Variants in MYLK4 observed in about 807,000 individuals in gnomAD.
The protein encoded by MYLK4 is caMLCK like.
Under a neutral mutation model 48.1 loss-of-function variants are expected in MYLK4, and 46 were observed. That is an observed-to-expected ratio of 0.96 (90% CI 0.75 to 1.22). MYLK4 has a LOEUF of 1.22. Ranked by LOEUF, MYLK4 falls within the 50% of genes most tolerant of loss-of-function variation. The pLI is 0.00. For missense variants in MYLK4, 451 were observed against 486.1 expected (o/e 0.93, Z 0.68); for synonymous variants, 170 against 180.8 (o/e 0.94, Z 0.48).
At chr6:2,677,354 C>T (rs1336825815) in intron 10 of MYLK4, among the ~76,000 whole-genome samples, 1 of 152,152 alleles carries the variant, frequency 6.6e-6, no homozygotes. Flanking sequence ...CTCCCTGTGA[C>T]ACCCTTCTAC....
rs190525551 is a variant in MYLK4 at position 2,694,266 on chromosome 6, G to A, written c.160-1407C>T. 1.5e-3 allele frequency among the ~76,000 whole-genome samples: 227 copies of A among 151,932 alleles called. 1 individual carries two copies. Among genetic ancestry groups the A allele is most frequent in the Admixed American group, 6.6e-3 (100 of 15,258 alleles). ...CCCTCTGCAGGGACAATGGGCTGCC[G>A]CCTCTTCAAACAAAGCTGATTGCTC... On this transcript the variant is annotated intron_variant, in intron 2 of 12. Transcript: ENST00000274643.
At chr6:2,770,279 GCGAT>G in the MYLK4 span, 1 of 1,614,160 alleles carries the variant, frequency 6.2e-7, no homozygotes, top group Non-Finnish European at 8.5e-7. Flanking sequence ...TTTAATGCGA[GCGAT>G]CAACTCCCTG....
the MYLK4 span, among the ~76,000 whole-genome samples, chr6:2,764,892 AT>A: frequency 4.6e-5 from 7 of 151,978 alleles, no homozygotes; most frequent in African/African-American, 1.7e-4. Flanking sequence ...ACTTGTTTGT[AT>A]TTTTTCTGCT....
intron 2 of MYLK4, among the ~76,000 whole-genome samples, chr6:2,701,885 G>A (rs1287421773): frequency 6.6e-6 from 1 of 152,230 alleles, no homozygotes; most frequent in African/African-American, 2.4e-5. Flanking sequence ...TATACGTCAT[G>A]AATTGGTGCG....
chr6:2,770,017 G>A, the MYLK4 span: 916 of 1,517,410 alleles, frequency 6.0e-4, 2 homozygotes, highest in Middle Eastern at 8.7e-4. Flanking sequence ...GAACTCGAAA[G>A]ATAAAAATGA....
chr6:2,762,972 T>C, the MYLK4 span, among the ~76,000 whole-genome samples: 3 of 151,952 alleles, frequency 2.0e-5, no homozygotes, highest in Admixed American at 1.3e-4. Flanking sequence ...ATGCAAAAAA[T>C]AAAAGAACAA....
At chr6:2,769,482 T>G in the MYLK4 span, among the ~76,000 whole-genome samples, 1 of 152,118 alleles carries the variant, frequency 6.6e-6, no homozygotes, top group South Asian at 2.1e-4. Flanking sequence ...AAAAATTAAA[T>G]TTTTAGGCAT....
chr6:2,741,648 G>A (rs921899090), intron 2 of MYLK4, among the ~76,000 whole-genome samples: 1 of 152,190 alleles, frequency 6.6e-6, no homozygotes, highest in Admixed American at 6.5e-5. Flanking sequence ...TGCTGTGCTT[G>A]TAGATATTTC....
At chr6:2,699,287 C>CTTTTCTTTTTTTTTTTTTTTTTT (rs1193027641) in intron 2 of MYLK4, among the ~76,000 whole-genome samples, 1 of 77,894 alleles carries the variant, frequency 1.3e-5, no homozygotes, top group East Asian at 4.9e-4. Flanking sequence ...CTTTTCTTTT[C>CTTTTCTTTTTTTTTTTTTTTTTT]TTTTTTTTTT....
chr6:2,683,967 A>T (rs952258300), intron 6 of MYLK4, among the ~76,000 whole-genome samples: 3 of 152,194 alleles, frequency 2.0e-5, no homozygotes, highest in African/African-American at 7.2e-5. Context: ...CCCTCCGTGG[A>T]TGCCTGAAAC....
rs1019824156 is a variant in MYLK4 at position 2,685,027 on chromosome 6, T to C, written c.545+269A>G. The stretch of plus-strand genomic sequence containing the variant: ...CTTTCCTCCAGGTTGCCCTGGCTAA[T>C]ATTTAAGCTTGATTTTTGACAAACA... On this transcript the variant is annotated intron_variant, in intron 6 of 12. Transcript: ENST00000274643. The surrounding 1 kb of genome is among the most constrained non-coding windows in gnomAD (Gnocchi z 4.5). Among the ~76,000 whole-genome samples, 4 of 152,204 alleles carry C rather than the reference T, an allele frequency of 2.6e-5. No individual in the cohort carries two copies. The highest frequency in any genetic ancestry group is 5.9e-5 in the Non-Finnish European group (4 of 68,048).
At chr6:2,756,564 T>A in the MYLK4 span, among the ~76,000 whole-genome samples, 1 of 152,104 alleles carries the variant, frequency 6.6e-6, no homozygotes, top group East Asian at 1.9e-4. Flanking sequence ...AGAGAGGAAA[T>A]ATAATTCTTT....
intron 1 of MYLK4, among the ~76,000 whole-genome samples, chr6:2,750,418 A>C (rs939368319): frequency 6.6e-6 from 1 of 152,242 alleles, no homozygotes; most frequent in Non-Finnish European, 1.5e-5. Context: ...CTCTACAGAT[A>C]TATTACAGAT....
chr6:2,682,909 C>T (rs1051769184), intron 7 of MYLK4, 112 bp downstream of exon 7: 4 of 1,170,116 alleles, frequency 3.4e-6, no homozygotes, highest in Non-Finnish European at 5.0e-6. Context: ...GATGTTTATT[C>T]ATTTCTGAAA....
chr6:2,691,173 G>A (rs745593127), intron 3 of MYLK4, among the ~76,000 whole-genome samples: 2 of 152,166 alleles, frequency 1.3e-5, no homozygotes, highest in Non-Finnish European at 2.9e-5. Flanking sequence ...ACCTTTATCA[G>A]TGGAAGAATT....
At chr6:2,768,629 T>C in the MYLK4 span, 1 of 1,413,060 alleles carries the variant, frequency 7.1e-7, no homozygotes, top group Non-Finnish European at 9.5e-7. Flanking sequence ...GTGGTTCCCA[T>C]GGGTGCTGGT....
the MYLK4 span, among the ~76,000 whole-genome samples, chr6:2,767,466 C>T: frequency 6.6e-6 from 1 of 152,218 alleles, no homozygotes; most frequent in Non-Finnish European, 1.5e-5. Context: ...AGCACACCCC[C>T]TTTAACTCCA....
chr6:2,675,178 AT>A, intron 10 of MYLK4, 53 bp from the exon 11 acceptor site: 1 of 1,328,626 alleles, frequency 7.5e-7, no homozygotes, highest in Non-Finnish European at 1.1e-6. Flanking sequence ...GAAGGCCTGT[AT>A]CTGCTGTTCA....
chr6:2,678,711 GT>G (rs11344815), intron 9 of MYLK4, among the ~76,000 whole-genome samples: 18,747 of 132,104 alleles, frequency 0.14, 1,161 homozygotes, highest in Middle Eastern at 0.21. Flanking sequence ...TAGGAGATCA[GT>G]TTTTTTTTTT....
Sources: gnomAD v4.1 joint callset for allele counts (sites outside exome capture counted in the v4.1 genomes callset) on GRCh38, gnomAD v4.1.1 for gene constraint, Gnocchi (gnomAD v3.1) non-coding constraint, MANE v1.5 for transcripts, NCBI Gene and HGNC (gene_info 2026-07-23, HGNC 2026-07-21) for gene names.